The following PTPRK variants were observed in gnomAD, a reference collection of about 807,000 sequenced individuals.
The protein encoded by PTPRK is receptor-type tyrosine-protein phosphatase kappa.
In PTPRK, 75 loss-of-function variants were observed where a neutral mutation model predicts 178.0. The ratio of observed to expected loss-of-function variants is 0.42; its 90% CI spans 0.35 to 0.51. The LOEUF is 0.51. Among genes scored for constraint, PTPRK ranks in the 20% least tolerant of loss-of-function variants. The pLI, the probability that PTPRK is intolerant of heterozygous loss-of-function variation, is 0.02. For synonymous variants in PTPRK, 637 were observed against 620.6 expected (o/e 1.03, Z -0.39); for missense variants, 1,441 against 1,797.8 (o/e 0.80, Z 3.59).
At chr6:128,099,503 A>T (rs1237499479) in intron 7 of PTPRK, among the ~76,000 whole-genome samples, 2 of 152,102 alleles carry the variant, frequency 1.3e-5, no homozygotes, top group Non-Finnish European at 2.9e-5. Context: ...TTATGATTTT[A>T]ACACATCAAC....
intron 13 of PTPRK, among the ~76,000 whole-genome samples, chr6:128,046,771 T>C (rs936050635): frequency 4.6e-5 from 7 of 152,054 alleles, no homozygotes; most frequent in Admixed American, 2.0e-4. Flanking sequence ...AGAGTGGAGA[T>C]TGTGGAGTTG....
chr6:128,467,374 G>T (rs1468103857), intron 1 of PTPRK, among the ~76,000 whole-genome samples: 12 of 152,122 alleles, frequency 7.9e-5, no homozygotes, highest in Non-Finnish European at 1.5e-5. Context: ...ACAAAAAGAA[G>T]AAAGTAAACC....
rs529734951 is a variant in PTPRK, at chr6:127,982,807, A to G, written c.3537+24T>C. 76 of 1,586,906 alleles carry G rather than the reference A, an allele frequency of 4.8e-5. 4 individuals carry two copies. In the South Asian group the frequency reaches 8.6e-4, roughly 18 times the overall value. On this transcript the variant is annotated intron_variant, in intron 24 of 29. Coordinates refer to ENST00000368226, the MANE Select transcript of PTPRK (RefSeq NM_002844.4). ...AGAACAAATTGTAGTAAGTCACAAA[A>G]GAGGTTTTAGAAATAGTTAATACCT...
At chr6:128,223,983 T>C (rs962397823) in intron 5 of PTPRK, among the ~76,000 whole-genome samples, 1 of 152,214 alleles carries the variant, frequency 6.6e-6, no homozygotes, top group Non-Finnish European at 1.5e-5. Flanking sequence ...GACATTGCTT[T>C]CTTTACTTGG....
chr6:128,472,417 G>A (rs1464693336), intron 1 of PTPRK, among the ~76,000 whole-genome samples: 2 of 103,868 alleles, frequency 1.9e-5, no homozygotes, highest in Non-Finnish European at 3.7e-5. Context: ...CTGAATTTTT[G>A]ACACCCCCCC....
intron 6 of PTPRK, among the ~76,000 whole-genome samples, chr6:128,209,138 C>T (rs1041192120): frequency 2.6e-5 from 4 of 151,922 alleles, no homozygotes; most frequent in African/African-American, 9.7e-5. Flanking sequence ...GTAAGAGCCC[C>T]CTTAACTTAC....
intron 9 of PTPRK, among the ~76,000 whole-genome samples, chr6:128,083,433 C>A (rs1471641697): frequency 6.6e-6 from 1 of 151,786 alleles, no homozygotes; most frequent in Non-Finnish European, 1.5e-5. Context: ...TTACTATAAC[C>A]ATCGTAAATC....
intron 6 of PTPRK, among the ~76,000 whole-genome samples, chr6:128,212,978 A>G (rs1808495440): frequency 6.6e-6 from 1 of 152,082 alleles, no homozygotes; most frequent in Admixed American, 6.6e-5. Flanking sequence ...AAGTGGATCA[A>G]GTAGAGTTTC....
chr6:128,156,778 T>A (rs1459697079), intron 7 of PTPRK, among the ~76,000 whole-genome samples: 3 of 152,012 alleles, frequency 2.0e-5, no homozygotes, highest in African/African-American at 7.2e-5. Context: ...AGTTTTGGGA[T>A]CCACTTCTAA....
At chr6:128,039,230 T>C (rs970364) in intron 13 of PTPRK, among the ~76,000 whole-genome samples, 21,702 of 152,144 alleles carry the variant, frequency 0.14, 1,758 homozygotes, top group African/African-American at 0.19. Context: ...ATTAAACATA[T>C]ACTCATGCTA....
chr6:128,462,539 A>C (rs1365534688), intron 1 of PTPRK, among the ~76,000 whole-genome samples: 14 of 152,122 alleles, frequency 9.2e-5, no homozygotes, highest in Non-Finnish European at 2.1e-4. Flanking sequence ...ACATCAGAGA[A>C]AGACAGGAAT....
chr6:128,145,196 T>TAATA (rs949074483), intron 7 of PTPRK, among the ~76,000 whole-genome samples: 12 of 152,266 alleles, frequency 7.9e-5, no homozygotes, highest in African/African-American at 2.6e-4. Flanking sequence ...GGTGAATTTG[T>TAATA]AATACTACTG....
At chr6:128,295,611 G>C (rs1184982261) in intron 3 of PTPRK, among the ~76,000 whole-genome samples, 1 of 152,056 alleles carries the variant, frequency 6.6e-6, no homozygotes, top group Non-Finnish European at 1.5e-5. Flanking sequence ...TCTGATCACA[G>C]TTGATACTTT....
chr6:128,462,621 T>C (rs1216625631), intron 1 of PTPRK, among the ~76,000 whole-genome samples: 4 of 145,740 alleles, frequency 2.7e-5, no homozygotes, highest in African/African-American at 1.0e-4. Flanking sequence ...AAAAAGTAGG[T>C]ATATTTTATT....
intron 1 of PTPRK, among the ~76,000 whole-genome samples, chr6:128,412,818 G>A (rs1204648485): frequency 1.3e-5 from 2 of 152,132 alleles, no homozygotes; most frequent in Non-Finnish European, 2.9e-5. Context: ...TAAGTAAGCT[G>A]TTGGCACTAA....
At chr6:128,516,173 G>C (rs1190058628) in intron 1 of PTPRK, among the ~76,000 whole-genome samples, 1 of 152,092 alleles carries the variant, frequency 6.6e-6, no homozygotes, top group African/African-American at 2.4e-5. Flanking sequence ...GTTTTTGCTA[G>C]AAAAGAGTAG....
At chr6:128,318,647 T>C (rs1828366660) in intron 3 of PTPRK, among the ~76,000 whole-genome samples, 1 of 152,188 alleles carries the variant, frequency 6.6e-6, no homozygotes, top group Non-Finnish European at 1.5e-5. Context: ...GTTTTGCAAG[T>C]TACATACGTC....
chr6:128,095,683 G>A (rs1036725514), intron 7 of PTPRK, among the ~76,000 whole-genome samples: 3 of 152,182 alleles, frequency 2.0e-5, no homozygotes, highest in African/African-American at 7.2e-5. Flanking sequence ...TATACTTGAA[G>A]AACAAAGTCA....
At chr6:128,066,672 C>G (rs541605711) in intron 12 of PTPRK, among the ~76,000 whole-genome samples, 142 of 151,488 alleles carry the variant, frequency 9.4e-4, no homozygotes, top group African/African-American at 3.4e-3. Flanking sequence ...CTATCCTCAA[C>G]ATTTGTCTTC....
Sources: allele counts gnomAD v4.1 joint callset (sites outside exome capture counted in the v4.1 genomes callset), GRCh38; gene constraint gnomAD v4.1.1; transcripts MANE v1.5; gene names NCBI Gene and HGNC (gene_info 2026-07-23, HGNC 2026-07-21).